The following TAAR5 variants were observed in gnomAD, a reference collection of about 807,000 sequenced individuals.
The protein encoded by TAAR5 is trace amine associated receptor 5, also known as trace amine-associated receptor 5.
TAAR5 carries 27 observed loss-of-function variants against 21.1 expected under a neutral mutation model. The ratio of observed to expected loss-of-function variants is 1.28; its 90% CI spans 0.94 to 1.76. The LOEUF (loss-of-function observed/expected upper bound fraction) is 1.76, where lower values mean the gene tolerates loss of function less well. TAAR5 is among the 40% of genes most tolerant of loss of function. The pLI, the probability that TAAR5 is intolerant of heterozygous loss-of-function variation, is 0.00. For synonymous variants in TAAR5, 203 were observed against 167.5 expected (o/e 1.21, Z -1.64); for missense variants, 495 against 405.6 (o/e 1.22, Z -1.89).
At chr6:132,591,158 G>A (rs1208014530), upstream of TAAR5, among the ~76,000 whole-genome samples, 1 of 152,072 alleles carries the variant, frequency 6.6e-6, no homozygotes, top group African/African-American at 2.4e-5. Context: ...CTTCCCCATT[G>A]GTAAGAGTAG....
At chr6:132,615,877 AACACACACACACACACAC>A in the TAAR5 span, among the ~76,000 whole-genome samples, 1 of 145,138 alleles carries the variant, frequency 6.9e-6, no homozygotes, top group Non-Finnish European at 1.5e-5. Flanking sequence ...ACCATGTATA[AACACACACACACACACAC>A]ACACACACAC....
the TAAR5 span, among the ~76,000 whole-genome samples, chr6:132,610,090 A>G: frequency 5.3e-5 from 8 of 152,328 alleles, no homozygotes; most frequent in South Asian, 1.7e-3. Flanking sequence ...CCACACTCAC[A>G]GACCCAGTTA....
the TAAR5 span, chr6:132,608,900 T>A: frequency 8.8e-6 from 4 of 455,926 alleles, 1 homozygote; most frequent in South Asian, 6.2e-5. Context: ...AATCGGTCAA[T>A]AGCAATGGAA....
At chr6:132,591,528 C>T (rs1776907447), upstream of TAAR5, among the ~76,000 whole-genome samples, 1 of 152,184 alleles carries the variant, frequency 6.6e-6, no homozygotes, top group Non-Finnish European at 1.5e-5. Context: ...CTTATGCCAG[C>T]TTCATATGTG....
At chr6:132,590,384 A>G (rs556846168), upstream of TAAR5, among the ~76,000 whole-genome samples, 5 of 152,338 alleles carry the variant, frequency 3.3e-5, no homozygotes, top group Admixed American at 6.5e-5. Flanking sequence ...ACATCTTGGT[A>G]TAACTATTTG....
chr6:132,599,945 A>T, the TAAR5 span, among the ~76,000 whole-genome samples: 1 of 152,200 alleles, frequency 6.6e-6, no homozygotes, highest in Non-Finnish European at 1.5e-5. Context: ...TTTAAAATAC[A>T]TTTGAAAACT....
chr6:132,600,791 AGGAGGGGAGGAAGGAAGGAAGGAAGGAG>A, the TAAR5 span, among the ~76,000 whole-genome samples: 2 of 140,346 alleles, frequency 1.4e-5, no homozygotes, highest in African/African-American at 2.6e-5. Context: ...GAAGGAGGGA[AGGAGGGGAGGAAGGAAGGAAGGAAGGAG>A]GGAGGGAAGG....
the TAAR5 span, among the ~76,000 whole-genome samples, chr6:132,606,289 T>A: frequency 5.3e-5 from 8 of 152,144 alleles, no homozygotes; most frequent in African/African-American, 1.9e-4. Flanking sequence ...CCAAATTAAA[T>A]AAATAAATAA....
chr6:132,612,116 C>A, the TAAR5 span, among the ~76,000 whole-genome samples: 20 of 151,870 alleles, frequency 1.3e-4, no homozygotes, highest in Non-Finnish European at 2.5e-4. Context: ...TAGCCTGGGC[C>A]CCATTTGAGC....
the TAAR5 span, chr6:132,608,396 C>T: frequency 2.2e-6 from 1 of 455,826 alleles, no homozygotes; most frequent in Non-Finnish European, 4.4e-6. Context: ...CGGAGCCACA[C>T]TAAAAGATCC....
At chr6:132,591,195 TTCACAGGGATATTA>T (rs1183211099), upstream of TAAR5, among the ~76,000 whole-genome samples, 17 of 152,306 alleles carry the variant, frequency 1.1e-4, no homozygotes, top group Non-Finnish European at 1.8e-4. Context: ...GTAACTTGAT[TTCACAGGGATATTA>T]TCAAGGTAAA....
At chr6:132,602,321 TG>T in the TAAR5 span, among the ~76,000 whole-genome samples, 371 of 152,262 alleles carry the variant, frequency 2.4e-3, 2 homozygotes, top group Non-Finnish European at 3.8e-3. Context: ...ATAGAATCAG[TG>T]GGGGCCCTGA....
the TAAR5 span, among the ~76,000 whole-genome samples, chr6:132,606,235 A>G: frequency 1.3e-5 from 2 of 152,310 alleles, no homozygotes; most frequent in Admixed American, 6.5e-5. Context: ...AAACCTGATC[A>G]TGCATTTCCT....
chr6:132,590,648 A>G (rs536724307), upstream of TAAR5, among the ~76,000 whole-genome samples: 1 of 152,350 alleles, frequency 6.6e-6, no homozygotes, highest in Admixed American at 6.5e-5. Flanking sequence ...TCCATGTGCT[A>G]TGATACAAAT....
Position 132,588,828 on chromosome 6 carries a change from A to C in TAAR5, c.859T>G (p.Phe287Val), listed in dbSNP as rs1344713525. ...LLHFITPPLV[F>V]DIFIWFAYFN... The stretch of plus-strand genomic sequence containing the variant: ...TAAGCAAACCAGATAAAGATGTCAA[A>C]GACCAGTGGGGGTGTGATAAAGTGA... Residue 287 changes from phenylalanine to valine, a missense_variant, in exon 1 of 1, where the codon TTT becomes GTT. Phe to Val is a conservative substitution (Grantham distance 50, BLOSUM62 -1). Transcript: ENST00000258034. 6.2e-7 allele frequency: 1 copy of C among 1,614,164 alleles called. No individual in the cohort carries two copies. Among genetic ancestry groups the C allele is most frequent in the South Asian group, 1.1e-5 (1 of 91,082 alleles).
the TAAR5 span, chr6:132,608,593 C>T: frequency 4.4e-5 from 20 of 455,666 alleles, no homozygotes; most frequent in East Asian, 6.3e-4. Flanking sequence ...GCTGATGACT[C>T]GAGCATGCTG....
At chr6:132,594,938 CAAA>C in the TAAR5 span, 1 of 152,036 alleles carries the variant, frequency 6.6e-6, no homozygotes, top group African/African-American at 2.4e-5. Flanking sequence ...AATACCAGGC[CAAA>C]GGCAAAAAGG....
chr6:132,610,652 T>A, the TAAR5 span, among the ~76,000 whole-genome samples: 2 of 152,162 alleles, frequency 1.3e-5, no homozygotes, highest in Admixed American at 1.3e-4. Flanking sequence ...TATTACCAAG[T>A]CACAGGAAGG....
chr6:132,616,331 A>C, the TAAR5 span, among the ~76,000 whole-genome samples: 5 of 152,232 alleles, frequency 3.3e-5, no homozygotes, highest in South Asian at 1.0e-3. Context: ...ACATGTATAA[A>C]TATCAAGCAA....
Sources: allele counts gnomAD v4.1 joint callset (sites outside exome capture counted in the v4.1 genomes callset), GRCh38; gene constraint gnomAD v4.1.1; transcripts MANE v1.5; gene names NCBI Gene and HGNC (gene_info 2026-07-23, HGNC 2026-07-21).